RIN3: variants seen among roughly 807,000 people sequenced by gnomAD.
The protein encoded by RIN3 is Ras and Rab interactor 3, also known as RAB5 interacting protein 3.
RIN3 carries 54 observed loss-of-function variants against 76.3 expected under a neutral mutation model. That is an observed-to-expected ratio of 0.71 (90% CI 0.57 to 0.89). The LOEUF (loss-of-function observed/expected upper bound fraction) is 0.89, where lower values mean the gene tolerates loss of function less well. Ranked by LOEUF, RIN3 falls within the 40% of genes least tolerant of loss-of-function variation. The pLI is 0.00. For synonymous variants in RIN3, 576 were observed against 564.0 expected, an observed-to-expected ratio of 1.02 and a Z score of -0.30; for missense variants, 1,256 against 1,322.1, an observed-to-expected ratio of 0.95 and a Z score of 0.78.
rs752220585 is a variant in RIN3, at chr14:92,684,967, C to G, written c.2468-20C>G. ...GGCGGAGGCGGTCCTGGCTCAGATT[C>G]CACACCCTTGTCCACGCAGGTTCCT... On this transcript the variant is annotated intron_variant, in intron 8 of 9. Coordinates refer to ENST00000216487, the MANE Select transcript of RIN3 (RefSeq NM_024832.5). 1 of 1,598,996 alleles carries G rather than the reference C, an allele frequency of 6.3e-7. No individual in the cohort carries two copies. Among genetic ancestry groups the G allele is most frequent in the South Asian group, 1.1e-5 (1 of 90,684 alleles).
In RIN3 at chr14:92,561,003, A is replaced by G. The variant is rs866030445; in HGVS notation, c.249+5048A>G. ...ACCACTGCACTCCAGCCTGGGCAAC[A>G]AGAGCGAAACTCTGTCTAAAAAAAA... On this transcript the variant is annotated intron_variant, in intron 2 of 9. Coordinates refer to ENST00000216487, the MANE Select transcript of RIN3 (RefSeq NM_024832.5). Among the ~76,000 whole-genome samples, 25 of 137,890 alleles carry G rather than the reference A, an allele frequency of 1.8e-4. No individual in the cohort carries two copies. In the Middle Eastern group the frequency reaches 0.011, roughly 60 times the overall value. 90.5% of individuals were successfully genotyped at this position (137,890 alleles called of 152,430 possible).
intron 1 of RIN3, among the ~76,000 whole-genome samples, chr14:92,546,123 C>T (rs539443883): frequency 5.3e-5 from 8 of 152,164 alleles, no homozygotes; most frequent in Non-Finnish European, 1.0e-4. Context: ...CAGGGTTTCA[C>T]CGTGTTGGCC....
chr14:92,539,905 G>A (rs1897093877), intron 1 of RIN3, among the ~76,000 whole-genome samples: 1 of 152,298 alleles, frequency 6.6e-6, no homozygotes, highest in South Asian at 2.1e-4. Flanking sequence ...GGCCTGGGGT[G>A]GGTCTGGCGT....
intron 3 of RIN3, among the ~76,000 whole-genome samples, chr14:92,593,894 T>A (rs906094336): frequency 6.6e-6 from 1 of 152,148 alleles, no homozygotes; most frequent in African/African-American, 2.4e-5. Flanking sequence ...AGAAATAGAT[T>A]AATCTACTAT....
chr14:92,617,231 CA>C lies in RIN3; in HGVS notation c.440+1753del, dbSNP rs560869096. Among the ~76,000 whole-genome samples, 16 of 152,042 alleles carry C rather than the reference CA, an allele frequency of 1.1e-4. No homozygotes were observed. The South Asian group carries it at 3.1e-3, about 30-fold the overall frequency. On this transcript the variant is annotated intron_variant, in intron 4 of 9. Transcript: ENST00000216487. ...AGGAGAATTGCTTGAACCTGGGAGG[CA>C]GAGGTTGCAGTGAACCAAGATCGTA... is the stretch of plus-strand genomic sequence containing the variant.
intron 1 of RIN3, among the ~76,000 whole-genome samples, chr14:92,540,724 C>A (rs1267271387): frequency 6.6e-6 from 1 of 152,210 alleles, no homozygotes; most frequent in Non-Finnish European, 1.5e-5. Flanking sequence ...AGAAGCCAGC[C>A]TGGCCGCCTG....
intron 1 of RIN3, among the ~76,000 whole-genome samples, chr14:92,529,290 C>G (rs1339418439): frequency 6.0e-5 from 9 of 151,190 alleles, no homozygotes; most frequent in East Asian, 1.9e-4. Flanking sequence ...GCACTGTCAC[C>G]TGGGCTGGAG....
At chr14:92,556,443 C>T (rs755378587) in intron 2 of RIN3, among the ~76,000 whole-genome samples, 3 of 152,254 alleles carry the variant, frequency 2.0e-5, no homozygotes, top group South Asian at 2.1e-4. Context: ...GCTGGGCACA[C>T]GGCTTAAATT....
intron 2 of RIN3, among the ~76,000 whole-genome samples, chr14:92,570,037 C>T (rs1471878659): frequency 6.6e-6 from 1 of 152,196 alleles, no homozygotes; most frequent in Non-Finnish European, 1.5e-5. Flanking sequence ...ATCCCTGATA[C>T]CTAAAGATGG....
At chr14:92,577,788 T>G (rs1025930732) in intron 3 of RIN3, among the ~76,000 whole-genome samples, 6 of 152,194 alleles carry the variant, frequency 3.9e-5, no homozygotes, top group Non-Finnish European at 1.5e-5. Context: ...GGAGAAGACA[T>G]GTCTGCACCC....
intron 2 of RIN3, among the ~76,000 whole-genome samples, chr14:92,559,890 T>G (rs961453987): frequency 6.6e-6 from 1 of 152,172 alleles, no homozygotes; most frequent in African/African-American, 2.4e-5. Context: ...CATGTTGCAT[T>G]CATCTACCAG....
At chr14:92,559,833 AAG>A (rs1382125230) in intron 2 of RIN3, among the ~76,000 whole-genome samples, 3 of 152,156 alleles carry the variant, frequency 2.0e-5, no homozygotes, top group African/African-American at 7.2e-5. Flanking sequence ...TTGGGGATGA[AAG>A]AGAGTGGAGG....
At chr14:92,600,739 C>T (rs1018247860) in intron 3 of RIN3, among the ~76,000 whole-genome samples, 1 of 152,226 alleles carries the variant, frequency 6.6e-6, no homozygotes, top group Non-Finnish European at 1.5e-5. Context: ...TTCTCTCTCT[C>T]GAGCAGGGTG....
chr14:92,531,286 G>T (rs1247524912), intron 1 of RIN3, among the ~76,000 whole-genome samples: 1 of 152,208 alleles, frequency 6.6e-6, no homozygotes, highest in Non-Finnish European at 1.5e-5. Flanking sequence ...CAAAATGTAT[G>T]TGTTGAAATC....
In RIN3 at chr14:92,577,388, C is replaced by T. The variant is rs147319119; in HGVS notation, c.278C>T (p.Ser93Leu). 83 of 1,613,554 alleles carry T rather than the reference C, an allele frequency of 5.1e-5. 1 individual carries two copies. In the South Asian group the frequency reaches 7.8e-4, roughly 15 times the overall value. ...TTCCTGGTTCGCCGGGACAGCAGCT[C>T]GAAGCAGCTGGTGCTCTGTGTCCAC... ...GMFLVRRDSS[S>L]KQLVLCVHFP... The change falls in exon 3 of 10, where the codon TCG (serine) becomes TTG (leucine). Residue 93 changes from serine to leucine, a missense_variant. Ser to Leu is a moderately radical substitution (Grantham distance 145, BLOSUM62 -2). Transcript: ENST00000216487.
intron 2 of RIN3, among the ~76,000 whole-genome samples, chr14:92,562,455 T>C (rs1236498202): frequency 1.3e-5 from 2 of 152,242 alleles, no homozygotes; most frequent in South Asian, 2.1e-4. Flanking sequence ...TCTAATAAAT[T>C]ATTTGGAATT....
At chr14:92,557,107 C>T (rs1165634128) in intron 2 of RIN3, among the ~76,000 whole-genome samples, 1 of 152,244 alleles carries the variant, frequency 6.6e-6, no homozygotes, top group Non-Finnish European at 1.5e-5. Context: ...TGCACATTTT[C>T]CATGCATATT....
intron 3 of RIN3, among the ~76,000 whole-genome samples, chr14:92,578,958 G>C (rs544492918): frequency 6.7e-6 from 1 of 150,022 alleles, no homozygotes. Context: ...ATGGAGTTTC[G>C]CTCTTGTTGC....
chr14:92,545,013 C>T (rs184340172), intron 1 of RIN3, among the ~76,000 whole-genome samples: 2 of 151,292 alleles, frequency 1.3e-5, no homozygotes, highest in South Asian at 2.1e-4. Flanking sequence ...TAAATGTTTT[C>T]ATTCCTTCCG....
Sources: allele counts gnomAD v4.1 joint callset (sites outside exome capture counted in the v4.1 genomes callset), GRCh38; gene constraint gnomAD v4.1.1; transcripts MANE v1.5; gene names NCBI Gene and HGNC (gene_info 2026-07-23, HGNC 2026-07-21).